The following RNF115 variants were observed in gnomAD, a reference collection of about 807,000 sequenced individuals.
RNF115 encodes the protein ring finger protein 115.
In RNF115, 31 loss-of-function variants were observed where a neutral mutation model predicts 39.2. That is an observed-to-expected ratio of 0.79 (90% CI 0.59 to 1.07). The LOEUF (loss-of-function observed/expected upper bound fraction) is 1.07. RNF115 is among the 50% of genes least tolerant of loss of function. RNF115 has a pLI of 0.00. For synonymous variants in RNF115, 124 were observed against 131.0 expected (o/e 0.95, Z 0.37); for missense variants, 384 against 381.7 (o/e 1.01, Z -0.05).
At chr1:145,814,820 A>G (rs1553723239) in intron 1 of RNF115, among the ~76,000 whole-genome samples, 1 of 152,200 alleles carries the variant, frequency 6.6e-6, no homozygotes, top group African/African-American at 2.4e-5. Flanking sequence ...ATTTCTAGAT[A>G]TTGCAGTGAA....
At chr1:145,781,407 T>C (rs953581382) in intron 3 of RNF115, among the ~76,000 whole-genome samples, 7 of 152,216 alleles carry the variant, frequency 4.6e-5, no homozygotes, top group Admixed American at 4.6e-4. Flanking sequence ...TCTAAGTTTT[T>C]TCTTCAGGGA....
At chr1:145,780,631 A>AG (rs1413419483) in intron 3 of RNF115, among the ~76,000 whole-genome samples, 1 of 151,782 alleles carries the variant, frequency 6.6e-6, no homozygotes, top group African/African-American at 2.4e-5. Context: ...AAAAAAAAAA[A>AG]AAAAAAAAAA....
intron 1 of RNF115, among the ~76,000 whole-genome samples, chr1:145,792,267 C>T (rs954486638): frequency 6.6e-6 from 1 of 151,888 alleles, no homozygotes; most frequent in East Asian, 1.9e-4. Flanking sequence ...TTTTGTTTTA[C>T]CTGAAGATGA....
Position 145,746,989 on chromosome 1 carries a change from T to A in RNF115, c.792A>T (p.Thr264=), listed in dbSNP as rs373022117. The change falls in exon 9 of 9, where the codon ACA becomes ACT. Residue 264 remains threonine, a synonymous_variant. Transcript: ENST00000582693. The stretch of plus-strand genomic sequence containing the variant: ...TTAAGCTCTTCCTACATACAGGACA[T>A]GTGTCATGCTGAAACAGAAAAATAT... ...CIVPWLELHD[T]CPVCRKSLNG... 59 of 1,611,154 alleles carry A rather than the reference T, an allele frequency of 3.7e-5. No homozygotes were observed. The highest frequency in any genetic ancestry group is 4.7e-5 in the Non-Finnish European group (55 of 1,178,134).
At chr1:145,812,670 ACC>A (rs1649787638) in intron 1 of RNF115, among the ~76,000 whole-genome samples, 6 of 150,704 alleles carry the variant, frequency 4.0e-5, no homozygotes, top group African/African-American at 1.5e-4. Flanking sequence ...TCAAAAAAAA[ACC>A]AAAAAACAAA....
intron 4 of RNF115, among the ~76,000 whole-genome samples, chr1:145,769,198 C>T (rs989028199): frequency 5.3e-5 from 8 of 152,170 alleles, no homozygotes; most frequent in Non-Finnish European, 5.9e-5. Context: ...CAATATTTAA[C>T]TGCCTTTATA....
intron 1 of RNF115, among the ~76,000 whole-genome samples, chr1:145,813,709 A>AAG: frequency 6.6e-6 from 1 of 151,892 alleles, no homozygotes; most frequent in East Asian, 1.9e-4. Context: ...TACGGTCTCA[A>AAG]TTTTCTTACT....
chr1:145,749,799 C>A (rs1374080601), intron 7 of RNF115, among the ~76,000 whole-genome samples: 1 of 152,162 alleles, frequency 6.6e-6, no homozygotes, highest in Non-Finnish European at 1.5e-5. Flanking sequence ...TTAGTTCATA[C>A]TTTTCCTTAA....
intron 1 of RNF115, among the ~76,000 whole-genome samples, chr1:145,817,563 T>C (rs1650045109): frequency 6.9e-6 from 1 of 144,716 alleles, no homozygotes; most frequent in African/African-American, 2.5e-5. Context: ...AAATGGTTTT[T>C]AGGTTTTAGG....
intron 1 of RNF115, among the ~76,000 whole-genome samples, chr1:145,808,820 A>G (rs1426748352): frequency 6.6e-6 from 1 of 152,204 alleles, no homozygotes; most frequent in Non-Finnish European, 1.5e-5. Context: ...AGGATCTAAT[A>G]ACTGGCACCA....
At chr1:145,747,463 C>T (rs936511949) in intron 8 of RNF115, among the ~76,000 whole-genome samples, 7 of 152,014 alleles carry the variant, frequency 4.6e-5, no homozygotes, top group Non-Finnish European at 7.4e-5. Context: ...ATCAGCATGG[C>T]GAAACCCTGT....
At chr1:145,806,887 C>T (rs1162445410) in intron 1 of RNF115, among the ~76,000 whole-genome samples, 1 of 152,242 alleles carries the variant, frequency 6.6e-6, no homozygotes, top group Non-Finnish European at 1.5e-5. Flanking sequence ...CTCACTGCAA[C>T]CTCCACCTCC....
chr1:145,804,253 GATAAA>G (rs1649369942), intron 1 of RNF115, among the ~76,000 whole-genome samples: 2 of 152,274 alleles, frequency 1.3e-5, no homozygotes, highest in South Asian at 4.2e-4. Context: ...TATATGCTCT[GATAAA>G]ATCATACTTC....
Position 145,757,339 on chromosome 1 carries a change from C to T in RNF115, c.429-4290G>A, listed in dbSNP as rs587617433. Among the ~76,000 whole-genome samples, 11 of 152,250 alleles carry T rather than the reference C, an allele frequency of 7.2e-5. No homozygotes were observed. The South Asian group carries it at 2.3e-3, about 32-fold the overall frequency. ...ATTACAAGTGGTATCTCTCAGCAAT[C>T]CCAGCAGAAACCCAAGGTGGAAAAA... On this transcript the variant is annotated intron_variant, in intron 4 of 8. Transcript: ENST00000582693.
chr1:145,768,914 CTG>C (rs1455405533), intron 4 of RNF115, among the ~76,000 whole-genome samples: 1 of 152,136 alleles, frequency 6.6e-6, no homozygotes, highest in Non-Finnish European at 1.5e-5. Context: ...CAAAGATATA[CTG>C]TGTTTATTTA....
At chr1:145,821,457 C>G (rs1326320328) in intron 1 of RNF115, among the ~76,000 whole-genome samples, 1 of 47,522 alleles carries the variant, frequency 2.1e-5, no homozygotes, top group Non-Finnish European at 4.7e-5. Flanking sequence ...TCTTCTCACT[C>G]TTTTTTTTTT....
chr1:145,746,682 T>C lies in RNF115; in HGVS notation c.*184A>G. 1 of 591,296 alleles carries C rather than the reference T, an allele frequency of 1.7e-6. No individual in the cohort carries two copies. Among genetic ancestry groups the C allele is most frequent in the Non-Finnish European group, 2.9e-6 (1 of 347,096 alleles). 36.6% of individuals were successfully genotyped at this position (591,296 alleles called of 1,614,324 possible). A position where few individuals can be genotyped will look rare whatever the true frequency, so the allele number is the denominator to read the frequency against. ...TTCAGGGATAAGAGGCATTTGGTTG[T>C]AGATACAATTCCATCTGTAGATACT... On this transcript the variant is annotated 3_prime_UTR_variant, in exon 9 of 9. Coordinates refer to ENST00000582693, the MANE Select transcript of RNF115 (RefSeq NM_014455.4).
chr1:145,748,128 G>T lies in RNF115; in HGVS notation c.668-18C>A. ...ACCCATATCTGTTGAAGAAGGAAAT[G>T]CCTTTTAAAGTAAACAGGCAAAAGG... On this transcript the variant is annotated intron_variant, in intron 7 of 8. Coordinates refer to ENST00000582693, the MANE Select transcript of RNF115 (RefSeq NM_014455.4). The T allele has an allele frequency of 6.4e-7, 1 of 1,552,514 alleles. No individual in the cohort carries two copies. Among genetic ancestry groups the T allele is most frequent in the Non-Finnish European group, 8.9e-7 (1 of 1,124,258 alleles).
At chr1:145,787,072 A>G in intron 2 of RNF115, 1 of 1,265,590 alleles carries the variant, frequency 7.9e-7, no homozygotes, top group Non-Finnish European at 1.0e-6. Flanking sequence ...TTCTGCCAAC[A>G]GTAACAGTAA....
Sources: allele counts gnomAD v4.1 joint callset (sites outside exome capture counted in the v4.1 genomes callset), GRCh38; gene constraint gnomAD v4.1.1; transcripts MANE v1.5; gene names NCBI Gene and HGNC (gene_info 2026-07-23, HGNC 2026-07-21).